Variants in SLC22A4 observed in about 807,000 individuals in gnomAD.
SLC22A4 encodes the protein solute carrier family 22 member 4.
In SLC22A4, 39 loss-of-function variants were observed where a neutral mutation model predicts 56.6. The ratio of observed to expected loss-of-function variants is 0.69; its 90% CI spans 0.53 to 0.90. SLC22A4 has a LOEUF of 0.90. SLC22A4 is among the 40% of genes least tolerant of loss of function. The pLI, the probability that SLC22A4 is intolerant of heterozygous loss-of-function variation, is 0.00. For synonymous variants in SLC22A4, 241 were observed against 281.4 expected (o/e 0.86, Z 1.44); for missense variants, 594 against 696.5 (o/e 0.85, Z 1.66).
At position 132,313,752 on chromosome 5, in the gene SLC22A4, G is replaced by A; in HGVS notation, c.636G>A (p.Val212=). The A allele has an allele frequency of 6.2e-7, 1 of 1,614,202 alleles. No individual in the cohort carries two copies. The highest frequency in any genetic ancestry group is 8.5e-7 in the Non-Finnish European group (1 of 1,180,024). ...IVGMGQISNY[V]VAFILGTEIL... ...GCATGGGCCAGATCTCCAACTATGT[G>A]GTAGCCTTCATACTAGGTAGGAATG... is the stretch of plus-strand genomic sequence containing the variant. Residue 212 remains valine, a synonymous_variant, in exon 3 of 10, where the codon GTG becomes GTA. Coordinates refer to ENST00000200652, the MANE Select transcript of SLC22A4 (RefSeq NM_003059.3).
At position 132,294,628 on chromosome 5, in the gene SLC22A4, C is replaced by CGACGAGGTGATCGCCTTCCTGGGCGA. The variant is rs1404223378; in HGVS notation, c.14_39dup (p.Trp14ThrfsTer3). The CGACGAGGTGATCGCCTTCCTGGGCGA allele has an allele frequency of 6.2e-7, 1 of 1,614,154 alleles. No individual in the cohort carries two copies. Among genetic ancestry groups the CGACGAGGTGATCGCCTTCCTGGGCGA allele is most frequent in the South Asian group, 1.1e-5 (1 of 91,084 alleles). ...CGGCAGTGGGAAGCATGCGGGACTA[C>CGACGAGGTGATCGCCTTCCTGGGCGA]GACGAGGTGATCGCCTTCCTGGGCG... is the stretch of plus-strand genomic sequence containing the variant. On this transcript the variant is annotated frameshift_variant, in exon 1 of 10. Transcript: ENST00000200652. LOFTEE classifies it high-confidence loss of function. The surrounding 1 kb of genome is among the most constrained non-coding windows in gnomAD (Gnocchi z 5.6).
At chr5:132,341,974 CCAGA>C (rs1179765458) in intron 9 of SLC22A4, among the ~76,000 whole-genome samples, 1 of 151,798 alleles carries the variant, frequency 6.6e-6, no homozygotes. Flanking sequence ...AAGATAAAAT[CCAGA>C]CAGTTAAAAA....
intron 5 of SLC22A4, among the ~76,000 whole-genome samples, chr5:132,328,836 TATACACACAC>T (rs1380835618): frequency 2.2e-5 from 3 of 138,994 alleles, no homozygotes; most frequent in Admixed American, 7.1e-5. Flanking sequence ...TATATATATA[TATACACACAC>T]ACACACACAC....
intron 4 of SLC22A4, 115 bp from the exon 5 acceptor site, chr5:132,327,162 T>C (rs1282610710): frequency 1.2e-6 from 1 of 858,230 alleles, no homozygotes; most frequent in East Asian, 2.7e-5. Flanking sequence ...TGGACTCCCT[T>C]TAAAAAGACA....
rs551585476 is a variant in SLC22A4, at chr5:132,329,425, T to C, written c.951+2022T>C. 4.0e-4 allele frequency among the ~76,000 whole-genome samples: 61 copies of C among 151,500 alleles called. 1 individual carries two copies. The South Asian group carries it at 0.012, about 30-fold the overall frequency. On this transcript the variant is annotated intron_variant, in intron 5 of 9. Coordinates refer to ENST00000200652, the MANE Select transcript of SLC22A4 (RefSeq NM_003059.3). ...AAATGCACCCTATTTAGAATGATAT[T>C]GAAGAGCCTACCAAATGCCAGGCAC...
intron 3 of SLC22A4, among the ~76,000 whole-genome samples, chr5:132,316,664 G>C: frequency 6.6e-6 from 1 of 152,130 alleles, no homozygotes; most frequent in South Asian, 2.1e-4. Flanking sequence ...TTAAAGCTTT[G>C]CTTCCTCTGA....
In SLC22A4 at chr5:132,341,584, A is replaced by C. The variant is rs114198800; in HGVS notation, c.1580+884A>C. ...TAAAAAGTAGCAAAGTCAAGGGGGA[A>C]TAGTTATTCAGTAAAAGGTATTAGA... On this transcript the variant is annotated intron_variant, in intron 9 of 9. Coordinates refer to ENST00000200652, the MANE Select transcript of SLC22A4 (RefSeq NM_003059.3). 4.6e-3 allele frequency among the ~76,000 whole-genome samples: 708 copies of C among 152,300 alleles called. 2 individuals are homozygous for C. Among genetic ancestry groups the C allele is most frequent in the Non-Finnish European group, 7.8e-3 (529 of 68,018 alleles).
intron 4 of SLC22A4, among the ~76,000 whole-genome samples, chr5:132,326,153 G>A (rs934385890): frequency 1.3e-5 from 2 of 152,120 alleles, no homozygotes; most frequent in Admixed American, 1.3e-4. Context: ...CCTCCAGTTT[G>A]CCCTTGAATT....
chr5:132,336,809 T>C (rs937369094), intron 8 of SLC22A4, among the ~76,000 whole-genome samples: 1 of 151,024 alleles, frequency 6.6e-6, no homozygotes, highest in African/African-American at 2.4e-5. Flanking sequence ...GTGTACATAA[T>C]GTTGTGCAAA....
chr5:132,308,754 A>T (rs1461248595), intron 1 of SLC22A4, among the ~76,000 whole-genome samples: 2 of 152,132 alleles, frequency 1.3e-5, no homozygotes, highest in African/African-American at 4.8e-5. Context: ...TTGGTCTGGG[A>T]CCCTGCTGAT....
At chr5:132,305,591 C>T (rs1383933168) in intron 1 of SLC22A4, among the ~76,000 whole-genome samples, 1 of 152,112 alleles carries the variant, frequency 6.6e-6, no homozygotes, top group Non-Finnish European at 1.5e-5. Context: ...ATAAGATCAA[C>T]GTTTGACTTC....
At chr5:132,336,066 A>G (rs889247564) in intron 8 of SLC22A4, 66 bp downstream of exon 8, 16 of 1,506,296 alleles carry the variant, frequency 1.1e-5, no homozygotes, top group Non-Finnish European at 1.5e-5. Flanking sequence ...TAAGATTTTC[A>G]TTGTGAAAAT....
intron 1 of SLC22A4, among the ~76,000 whole-genome samples, chr5:132,309,921 A>G (rs1750141268): frequency 6.6e-6 from 1 of 152,246 alleles, no homozygotes; most frequent in African/African-American, 2.4e-5. Flanking sequence ...TACAAAGGAG[A>G]GCACATTATA....
At chr5:132,319,722 A>G (rs1428224354) in intron 3 of SLC22A4, among the ~76,000 whole-genome samples, 1 of 152,076 alleles carries the variant, frequency 6.6e-6, no homozygotes, top group Non-Finnish European at 1.5e-5. Context: ...CCTCCCGAAT[A>G]GGTGGGATTA....
chr5:132,342,182 G>A (rs1233726206), intron 9 of SLC22A4, among the ~76,000 whole-genome samples: 1 of 152,056 alleles, frequency 6.6e-6, no homozygotes, highest in East Asian at 1.9e-4. Flanking sequence ...AAGTCAATAA[G>A]CCAGGAGAAA....
rs746475008 is a variant in SLC22A4 at position 132,327,326 on chromosome 5, G to A, written c.874G>A (p.Glu292Lys). Residue 292 changes from glutamate to lysine, a missense_variant, in exon 5 of 10, where the codon GAG becomes AAG. Coordinates refer to ENST00000200652, the MANE Select transcript of SLC22A4 (RefSeq NM_003059.3). ...RWLISQRRFR[E>K]AEDIIQKAAK... ...GCTGATATCCCAGAGAAGATTTAGA[G>A]AGGCTGAAGATATCATCCAAAAAGC... is the stretch of plus-strand genomic sequence containing the variant. 5.6e-6 allele frequency: 9 copies of A among 1,607,010 alleles called. No homozygotes were observed. The Admixed American group carries it at 1.0e-4, about 18-fold the overall frequency.
intron 1 of SLC22A4, among the ~76,000 whole-genome samples, chr5:132,310,894 C>A (rs1004002439): frequency 6.6e-6 from 1 of 152,144 alleles, no homozygotes; most frequent in Non-Finnish European, 1.5e-5. Flanking sequence ...TTTGGAGCCC[C>A]GTCTGGCAAG....
At chr5:132,320,287 C>T (rs1349012340) in intron 3 of SLC22A4, among the ~76,000 whole-genome samples, 2 of 152,248 alleles carry the variant, frequency 1.3e-5, no homozygotes, top group African/African-American at 2.4e-5. Context: ...CACAATTCTA[C>T]AAGATTCTCA....
chr5:132,294,562 C>CA lies in SLC22A4; in HGVS notation c.-55_-54insA. The CA allele has an allele frequency of 1.6e-5, 25 of 1,612,742 alleles. No individual in the cohort carries two copies. Among genetic ancestry groups the CA allele is most frequent in the Non-Finnish European group, 2.1e-5 (25 of 1,179,360 alleles). The stretch of plus-strand genomic sequence containing the variant: ...GAGCGCCCCAGCTACAAGACACTGT[C>CA]CTGAGAACGCTGTCATCACCCGTAG... On this transcript the variant is annotated 5_prime_UTR_variant, in exon 1 of 10. Coordinates refer to ENST00000200652, the MANE Select transcript of SLC22A4 (RefSeq NM_003059.3). The surrounding 1 kb of genome is among the most constrained non-coding windows in gnomAD (Gnocchi z 5.6).
Sources: allele counts gnomAD v4.1 joint callset (sites outside exome capture counted in the v4.1 genomes callset), GRCh38; gene constraint gnomAD v4.1.1; non-coding constraint Gnocchi (gnomAD v3.1); transcripts MANE v1.5; gene names NCBI Gene and HGNC (gene_info 2026-07-23, HGNC 2026-07-21).